Variants in AK9 observed in about 807,000 individuals in gnomAD.
The protein encoded by AK9 is adenylate kinase 9.
In AK9, 191 loss-of-function variants were observed where a neutral mutation model predicts 239.6. The ratio of observed to expected loss-of-function variants is 0.80; its 90% CI spans 0.71 to 0.90. The LOEUF (loss-of-function observed/expected upper bound fraction) is 0.90. Ranked by LOEUF, AK9 falls within the 40% of genes least tolerant of loss-of-function variation. The pLI, the probability that AK9 is intolerant of heterozygous loss-of-function variation, is 0.00. For missense variants in AK9, 1,995 were observed against 2,214.7 expected (o/e 0.90, Z 1.99); for synonymous variants, 689 against 721.0 (o/e 0.96, Z 0.71).
chr6:109,620,572 G>T (rs570169590), intron 12 of AK9, among the ~76,000 whole-genome samples: 1 of 152,038 alleles, frequency 6.6e-6, no homozygotes, highest in East Asian at 1.9e-4. Flanking sequence ...GATTCTATGT[G>T]TCTTTAATTA....
In AK9 at chr6:109,546,134, CAG is replaced by C. The variant is rs1491371898; in HGVS notation, c.2965-9_2965-8del. On this transcript the variant is annotated splice_polypyrimidine_tract_variant and splice_region_variant and intron_variant, in intron 25 of 40. Transcript: ENST00000424296. ...ATATTCTTAATGGAGGAGCCTGTCA[CAG>C]GGGGTGGGTCAGGGAGGGGTGGGAT... The C allele has an allele frequency of 7.2e-7, 1 of 1,382,714 alleles. No individual in the cohort carries two copies. Among genetic ancestry groups the C allele is most frequent in the Non-Finnish European group, 9.7e-7 (1 of 1,029,258 alleles). The allele number at this position is 1,382,714 out of a possible 1,614,324, so 85.7% of individuals were successfully genotyped here. A position where few individuals can be genotyped will look rare whatever the true frequency, so the allele number is the denominator to read the frequency against.
chr6:109,618,346 A>T (rs1186998333), intron 13 of AK9, among the ~76,000 whole-genome samples: 2 of 151,920 alleles, frequency 1.3e-5, no homozygotes, highest in African/African-American at 4.8e-5. Flanking sequence ...TACCAACTAG[A>T]GATAGAAAGT....
intron 17 of AK9, among the ~76,000 whole-genome samples, chr6:109,592,031 G>A (rs1323349379): frequency 6.6e-6 from 1 of 152,102 alleles, no homozygotes; most frequent in African/African-American, 2.4e-5. Flanking sequence ...CATTAGAATT[G>A]TCTATTTCAG....
intron 17 of AK9, among the ~76,000 whole-genome samples, chr6:109,603,993 G>T (rs1792480222): frequency 6.6e-6 from 1 of 152,184 alleles, no homozygotes. Context: ...GGCTAGGAAA[G>T]GGAATTCCCT....
chr6:109,628,081 T>C (rs1364018039), intron 12 of AK9, among the ~76,000 whole-genome samples: 1 of 152,130 alleles, frequency 6.6e-6, no homozygotes, highest in Non-Finnish European at 1.5e-5. Flanking sequence ...AGGGAGGGTG[T>C]AGAGTAGGCC....
rs144708858 is a variant in AK9 at position 109,522,128 on chromosome 6, G to A, written c.3634-5486C>T. On this transcript the variant is annotated intron_variant, in intron 29 of 40. Coordinates refer to ENST00000424296, the MANE Select transcript of AK9 (RefSeq NM_001145128.3). ...TCTTTGTCTTTTACTATCCAGTATT[G>A]TTACTGAGAAGTCTGATACAAGTCT... 2.0e-5 allele frequency among the ~76,000 whole-genome samples: 3 copies of A among 152,080 alleles called. No individual in the cohort carries two copies. The East Asian group carries it at 5.8e-4, about 29-fold the overall frequency.
At chr6:109,678,733 T>C (rs970250405) in intron 1 of AK9, among the ~76,000 whole-genome samples, 21 of 151,972 alleles carry the variant, frequency 1.4e-4, no homozygotes, top group Non-Finnish European at 2.6e-4. Context: ...GGTGGGTGAT[T>C]TCTGCATTTG....
In AK9 at chr6:109,616,008, G is replaced by A. The variant is rs187712595; in HGVS notation, c.1400-1528C>T. Among the ~76,000 whole-genome samples the A allele has an allele frequency of 3.1e-3, 479 of 152,150 alleles. 2 individuals carry two copies. Among genetic ancestry groups the A allele is most frequent in the Middle Eastern group, 0.01 (3 of 292 alleles). On this transcript the variant is annotated intron_variant, in intron 13 of 40. Coordinates refer to ENST00000424296, the MANE Select transcript of AK9 (RefSeq NM_001145128.3). ...CGCAGCACTTTGGGAGGCCAAGGCC[G>A]GAGGATCACTTGAGGCCAGGAGTTA...
intron 17 of AK9, among the ~76,000 whole-genome samples, chr6:109,595,567 C>T (rs1383435247): frequency 2.6e-5 from 4 of 152,128 alleles, no homozygotes; most frequent in Non-Finnish European, 5.9e-5. Flanking sequence ...TTTATTGTGG[C>T]AATATTCACA....
intron 24 of AK9, among the ~76,000 whole-genome samples, chr6:109,562,641 G>C (rs1007666440): frequency 1.3e-5 from 2 of 152,096 alleles, no homozygotes; most frequent in Non-Finnish European, 2.9e-5. Flanking sequence ...TTTGGCTCTT[G>C]CTTTTTGATG....
intron 9 of AK9, 97 bp from the exon 10 acceptor site, chr6:109,641,713 C>G: frequency 9.9e-7 from 1 of 1,011,938 alleles, no homozygotes; most frequent in Non-Finnish European, 1.5e-6. Context: ...CATGCTCCCC[C>G]TGACTCTGGG....
chr6:109,570,427 T>TATA (rs1053648341), intron 21 of AK9, among the ~76,000 whole-genome samples: 2 of 151,884 alleles, frequency 1.3e-5, no homozygotes. Context: ...GAACTTAAAG[T>TATA]ATAATAATAA....
chr6:109,688,482 C>G (rs1773842367), intron 1 of AK9, among the ~76,000 whole-genome samples: 1 of 152,108 alleles, frequency 6.6e-6, no homozygotes, highest in South Asian at 2.1e-4. Context: ...TACCACTTTA[C>G]CTAGAAGCTA....
At chr6:109,564,331 CT>C in intron 22 of AK9, 51 bp from the exon 23 acceptor site, 1 of 1,422,136 alleles carries the variant, frequency 7.0e-7, no homozygotes. Flanking sequence ...AATATCCTAT[CT>C]TTAGCCATAT....
At chr6:109,576,589 T>C (rs1788119866) in intron 20 of AK9, among the ~76,000 whole-genome samples, 1 of 151,846 alleles carries the variant, frequency 6.6e-6, no homozygotes, top group Non-Finnish European at 1.5e-5. Flanking sequence ...TTCAGGTGAG[T>C]ATTTAGAATT....
At chr6:109,683,284 C>T (rs1583573995) in intron 1 of AK9, among the ~76,000 whole-genome samples, 1 of 152,146 alleles carries the variant, frequency 6.6e-6, no homozygotes, top group South Asian at 2.1e-4. Context: ...AAGCCCACAG[C>T]CAATATCATA....
intron 18 of AK9, 33 bp downstream of exon 18, chr6:109,585,883 A>G: frequency 6.6e-7 from 1 of 1,518,744 alleles, no homozygotes; most frequent in African/African-American, 1.4e-5. Context: ...ACAAAACTTC[A>G]CTTTCAAATT....
chr6:109,637,632 C>G (rs1481516206), intron 10 of AK9, among the ~76,000 whole-genome samples: 1 of 152,150 alleles, frequency 6.6e-6, no homozygotes, highest in Non-Finnish European at 1.5e-5. Flanking sequence ...TCTGTTTTAA[C>G]TGGCCTGGGC....
At chr6:109,522,524 T>C (rs557498237) in intron 29 of AK9, among the ~76,000 whole-genome samples, 27 of 152,172 alleles carry the variant, frequency 1.8e-4, no homozygotes, top group African/African-American at 6.3e-4. Flanking sequence ...TTTTCTCAAT[T>C]TAACTTTTAA....
Sources: gnomAD v4.1 joint callset for allele counts (sites outside exome capture counted in the v4.1 genomes callset) on GRCh38, gnomAD v4.1.1 for gene constraint, MANE v1.5 for transcripts, NCBI Gene and HGNC (gene_info 2026-07-23, HGNC 2026-07-21) for gene names.